Variants in SCAI observed in about 807,000 individuals in gnomAD.
The protein encoded by SCAI is protein SCAI.
SCAI carries 24 observed loss-of-function variants against 92.2 expected under a neutral mutation model. That is an observed-to-expected ratio of 0.26 (90% CI 0.19 to 0.37). The LOEUF (loss-of-function observed/expected upper bound fraction) is 0.37. SCAI is among the 10% of genes least tolerant of loss of function. The probability of loss-of-function intolerance (pLI) is 1.00; values close to 1 mark genes in which losing one functional copy is unlikely to be tolerated. For missense variants in SCAI, 450 were observed against 736.2 expected (o/e 0.61, Z 4.50); for synonymous variants, 261 against 258.6 (o/e 1.01, Z -0.09).
intron 14 of SCAI, among the ~76,000 whole-genome samples, chr9:124,988,884 A>G (rs761723574): frequency 2.6e-5 from 4 of 152,250 alleles, no homozygotes; most frequent in Non-Finnish European, 5.9e-5. Context: ...TCACGCCTGT[A>G]ATCCCAGAAC....
At chr9:125,069,870 C>T (rs760005976) in intron 2 of SCAI, among the ~76,000 whole-genome samples, 3 of 152,086 alleles carry the variant, frequency 2.0e-5, no homozygotes, top group Non-Finnish European at 4.4e-5. Flanking sequence ...GATCTGCCCA[C>T]CTCGGTCTCC....
At position 124,947,554 on chromosome 9, in the gene SCAI, G is replaced by T. The variant is rs1452654100; in HGVS notation, c.*5253C>A. On this transcript the variant is annotated 3_prime_UTR_variant, in exon 18 of 18. Coordinates refer to ENST00000336505, the MANE Select transcript of SCAI (RefSeq NM_001144877.3). ...ACAATGCCACTAGGATGTCCTCACA[G>T]AACTTAAATAAATTCAGCCCACAAT... 2.0e-5 allele frequency: 3 copies of T among 152,012 alleles called. No homozygotes were observed. Among genetic ancestry groups the T allele is most frequent in the African/African-American group, 7.3e-5 (3 of 41,374 alleles). 9.4% of individuals were successfully genotyped at this position (152,012 alleles called of 1,614,324 possible). A position where few individuals can be genotyped will look rare whatever the true frequency, so the allele number is the denominator to read the frequency against.
At chr9:125,013,718 C>A (rs954892807) in intron 9 of SCAI, among the ~76,000 whole-genome samples, 5 of 151,948 alleles carry the variant, frequency 3.3e-5, no homozygotes, top group African/African-American at 1.2e-4. Flanking sequence ...CGGGCAGAGA[C>A]ACAACCAAAA....
chr9:125,106,238 G>C (rs1834797675), intron 2 of SCAI, among the ~76,000 whole-genome samples: 1 of 138,844 alleles, frequency 7.2e-6, no homozygotes, highest in Admixed American at 7.6e-5. Flanking sequence ...AAATTTGTAA[G>C]TGTAAGTAAC....
chr9:125,132,306 G>A (rs1835418852), intron 2 of SCAI, among the ~76,000 whole-genome samples: 1 of 151,862 alleles, frequency 6.6e-6, no homozygotes, highest in Admixed American at 6.6e-5. Flanking sequence ...TAGAGAAAGG[G>A]TTTCATCACG....
intron 2 of SCAI, among the ~76,000 whole-genome samples, chr9:125,112,884 C>A (rs1834959688): frequency 6.6e-6 from 1 of 152,148 alleles, no homozygotes; most frequent in African/African-American, 2.4e-5. Context: ...GACTTATCAG[C>A]CAACTGAAAA....
chr9:124,977,819 CATA>C (rs1392051149), intron 14 of SCAI, among the ~76,000 whole-genome samples: 1 of 152,124 alleles, frequency 6.6e-6, no homozygotes, highest in Non-Finnish European at 1.5e-5. Flanking sequence ...CTTATGTACA[CATA>C]ATAATGACAC....
intron 2 of SCAI, among the ~76,000 whole-genome samples, chr9:125,059,136 T>C (rs1833726278): frequency 6.6e-6 from 1 of 152,188 alleles, no homozygotes; most frequent in Non-Finnish European, 1.5e-5. Flanking sequence ...CTTGATCAAA[T>C]GATCAAAGTG....
chr9:125,017,746 C>T (rs960210796), intron 9 of SCAI, among the ~76,000 whole-genome samples: 4 of 152,080 alleles, frequency 2.6e-5, no homozygotes, highest in African/African-American at 9.7e-5. Context: ...CGGTGGCTCA[C>T]ACCTGTAATC....
intron 2 of SCAI, among the ~76,000 whole-genome samples, chr9:125,061,215 T>C (rs947015235): frequency 1.3e-5 from 2 of 152,028 alleles, no homozygotes; most frequent in African/African-American, 4.8e-5. Flanking sequence ...GAAAATGGCA[T>C]GAACCCAGGA....
chr9:124,963,977 G>A (rs1831494015), intron 17 of SCAI, among the ~76,000 whole-genome samples: 1 of 151,464 alleles, frequency 6.6e-6, no homozygotes. Context: ...GGAGAGACAG[G>A]CAACTGGGTA....
chr9:125,091,694 G>C lies in SCAI; in HGVS notation c.99-35687C>G, dbSNP rs1834430141. Among the ~76,000 whole-genome samples the C allele has an allele frequency of 6.6e-6, 1 of 152,048 alleles. No individual in the cohort carries two copies. Among genetic ancestry groups the C allele is most frequent in the Non-Finnish European group, 1.5e-5 (1 of 68,006 alleles). ...AATGGGCATTTCCACTACATTCCTA[G>C]TCCACTCACTCTTCACTTTCCAGAG... On this transcript the variant is annotated intron_variant, in intron 2 of 17. Transcript: ENST00000336505. This position sits in a 1 kb window ranked among gnomAD's most constrained non-coding sequence, Gnocchi z 4.3.
In SCAI at chr9:125,091,704, TC is replaced by T. The variant is rs1834430359; in HGVS notation, c.99-35698del. ...TCCACTACATTCCTAGTCCACTCAC[TC>T]TTCACTTTCCAGAGCCCTATCTCAC... On this transcript the variant is annotated intron_variant, in intron 2 of 17. Coordinates refer to ENST00000336505, the MANE Select transcript of SCAI (RefSeq NM_001144877.3). This position sits in a 1 kb window ranked among gnomAD's most constrained non-coding sequence, Gnocchi z 4.3. Among the ~76,000 whole-genome samples, 1 of 152,128 alleles carries T rather than the reference TC, an allele frequency of 6.6e-6. No homozygotes were observed. The highest frequency in any genetic ancestry group is 1.5e-5 in the Non-Finnish European group (1 of 68,020).
rs1308568784 is a variant in SCAI at position 124,951,510 on chromosome 9, A to G, written c.*1297T>C. On this transcript the variant is annotated 3_prime_UTR_variant, in exon 18 of 18. Transcript: ENST00000336505. ...ACAAAAGCAAGACTCTGTTTCAAAAAAAATAAATAAATTTAGAGTATAATT... is the reference window on the plus strand; with the variant it reads ...ACAAAAGCAAGACTCTGTTTCAAAAGAAATAAATAAATTTAGAGTATAATT... 1 of 152,232 alleles carries G rather than the reference A, an allele frequency of 6.6e-6. No individual in the cohort carries two copies. The highest frequency in any genetic ancestry group is 1.9e-4 in the East Asian group (1 of 5,204). The allele number at this position is 152,232 out of a possible 1,614,324, so 9.4% of individuals were successfully genotyped here. A position where few individuals can be genotyped will look rare whatever the true frequency, so the allele number is the denominator to read the frequency against.
chr9:125,123,513 AC>A (rs1190901301), intron 2 of SCAI, among the ~76,000 whole-genome samples: 4 of 151,974 alleles, frequency 2.6e-5, no homozygotes, highest in African/African-American at 9.7e-5. Flanking sequence ...GTGGTGGCTC[AC>A]GCCTGTAATC....
At chr9:125,095,788 G>C (rs7036242) in intron 2 of SCAI, among the ~76,000 whole-genome samples, 68,295 of 152,064 alleles carry the variant, frequency 0.45, 15,720 homozygotes, top group East Asian at 0.61. Flanking sequence ...CTAGTGATGA[G>C]AGAGCAACAA....
Position 125,114,177 on chromosome 9 carries a change from C to A in SCAI, c.98+28456G>T, listed in dbSNP as rs1242079945. Among the ~76,000 whole-genome samples the A allele has an allele frequency of 2.0e-5, 3 of 152,148 alleles. No individual in the cohort carries two copies. The East Asian group carries it at 5.8e-4, about 29-fold the overall frequency. The stretch of plus-strand genomic sequence containing the variant: ...AAACTACAAGTTCTAGCTAATTCAA[C>A]TTTAACATAAGGTCACTCAACATTC... On this transcript the variant is annotated intron_variant, in intron 2 of 17. Coordinates refer to ENST00000336505, the MANE Select transcript of SCAI (RefSeq NM_001144877.3).
At chr9:125,071,600 A>G (rs1185406911) in intron 2 of SCAI, among the ~76,000 whole-genome samples, 1 of 152,202 alleles carries the variant, frequency 6.6e-6, no homozygotes, top group Non-Finnish European at 1.5e-5. Context: ...ACAAGACTAT[A>G]AAGACATCAT....
intron 2 of SCAI, among the ~76,000 whole-genome samples, chr9:125,071,600 A>C (rs1185406911): frequency 6.6e-6 from 1 of 152,202 alleles, no homozygotes; most frequent in African/African-American, 2.4e-5. Context: ...ACAAGACTAT[A>C]AAGACATCAT....
Sources: gnomAD v4.1 joint callset for allele counts (sites outside exome capture counted in the v4.1 genomes callset) on GRCh38, gnomAD v4.1.1 for gene constraint, Gnocchi (gnomAD v3.1) non-coding constraint, MANE v1.5 for transcripts, NCBI Gene and HGNC (gene_info 2026-07-23, HGNC 2026-07-21) for gene names.